The following TG variants were observed in gnomAD, a reference collection of about 807,000 sequenced individuals.
The protein encoded by TG is thyroid hormones.
TG carries 270 observed loss-of-function variants against 324.7 expected under a neutral mutation model. That is an observed-to-expected ratio of 0.83 (90% CI 0.75 to 0.92). TG has a LOEUF of 0.92. Among genes scored for constraint, TG ranks in the 40% least tolerant of loss-of-function variants. The pLI is 0.00. For missense variants in TG, 3,591 were observed against 3,456.4 expected (o/e 1.04, Z -0.98); for synonymous variants, 1,401 against 1,327.0 (o/e 1.06, Z -1.21).
intron 41 of TG, among the ~76,000 whole-genome samples, chr8:133,066,536 T>G (rs559985200): frequency 6.6e-6 from 1 of 152,354 alleles, no homozygotes; most frequent in East Asian, 1.9e-4. Flanking sequence ...TATAAATTTC[T>G]TATTTACTTA....
chr8:133,071,667 G>A (rs1255524142), intron 41 of TG, among the ~76,000 whole-genome samples: 4 of 152,006 alleles, frequency 2.6e-5, no homozygotes, highest in African/African-American at 4.8e-5. Flanking sequence ...GGGAGGAGGC[G>A]CACCTGCAAA....
chr8:132,984,499 G>C (rs1215487513), intron 35 of TG, among the ~76,000 whole-genome samples: 1 of 152,196 alleles, frequency 6.6e-6, no homozygotes, highest in Non-Finnish European at 1.5e-5. Context: ...TCAGATGGTG[G>C]AGTAGGGCTT....
intron 37 of TG, among the ~76,000 whole-genome samples, chr8:133,014,692 A>G (rs535438452): frequency 1.3e-5 from 2 of 152,320 alleles, no homozygotes; most frequent in East Asian, 3.9e-4. Context: ...GTCCTAGAGC[A>G]TTGACAGTCC....
intron 41 of TG, among the ~76,000 whole-genome samples, chr8:133,071,608 T>C (rs1179482053): frequency 6.6e-6 from 1 of 152,048 alleles, no homozygotes. Context: ...TTTGAGCTGA[T>C]TGTCCATGTG....
At chr8:132,937,502 G>A (rs746255313) in intron 25 of TG, among the ~76,000 whole-genome samples, 16 of 144,278 alleles carry the variant, frequency 1.1e-4, no homozygotes, top group East Asian at 1.9e-4. Context: ...AGGGTCACTC[G>A]GATCTCTCTA....
intron 8 of TG, among the ~76,000 whole-genome samples, chr8:132,884,538 G>T (rs180804965): frequency 6.6e-4 from 100 of 152,244 alleles, no homozygotes; most frequent in Admixed American, 1.4e-3. Context: ...TTAACCTTTT[G>T]AATATTCTTC....
intron 43 of TG, among the ~76,000 whole-genome samples, chr8:133,100,295 C>G (rs1271265676): frequency 6.6e-6 from 1 of 152,174 alleles, no homozygotes; most frequent in Non-Finnish European, 1.5e-5. Flanking sequence ...GAAGCCATAT[C>G]CCCAGCCTTC....
chr8:132,969,085 G>A (rs1032280629), intron 31 of TG, among the ~76,000 whole-genome samples: 1 of 146,424 alleles, frequency 6.8e-6, no homozygotes, highest in Non-Finnish European at 1.5e-5. Flanking sequence ...CTTCTGTTTG[G>A]GCCACCTTCA....
chr8:133,057,728 A>G (rs973713377), intron 41 of TG, among the ~76,000 whole-genome samples: 3 of 151,956 alleles, frequency 2.0e-5, no homozygotes, highest in African/African-American at 7.3e-5. Flanking sequence ...TGAGAAATTG[A>G]CTAATCAAGA....
intron 22 of TG, among the ~76,000 whole-genome samples, chr8:132,925,245 C>T (rs939669727): frequency 9.2e-5 from 14 of 152,166 alleles, no homozygotes; most frequent in Admixed American, 2.0e-4. Context: ...ATAGAATATA[C>T]CTAGAATTTG....
chr8:133,081,810 G>C (rs1306901581), intron 41 of TG, among the ~76,000 whole-genome samples: 1 of 152,192 alleles, frequency 6.6e-6, no homozygotes, highest in Non-Finnish European at 1.5e-5. Context: ...CCCAATTTCA[G>C]TTGTTTGCAA....
intron 34 of TG, among the ~76,000 whole-genome samples, chr8:132,982,237 G>A (rs766487961): frequency 3.9e-5 from 6 of 152,164 alleles, no homozygotes; most frequent in Non-Finnish European, 8.8e-5. Context: ...TTACACAGCA[G>A]AAAAGTGGCA....
At chr8:132,884,826 G>C (rs1033039513) in intron 8 of TG, among the ~76,000 whole-genome samples, 2 of 152,214 alleles carry the variant, frequency 1.3e-5, no homozygotes, top group African/African-American at 4.8e-5. Flanking sequence ...CATGGAAACA[G>C]TAATTGAATT....
chr8:132,877,468 T>C (rs535605581), intron 5 of TG, among the ~76,000 whole-genome samples: 1 of 152,200 alleles, frequency 6.6e-6, no homozygotes, highest in Non-Finnish European at 1.5e-5. Flanking sequence ...CCCTCCCTAG[T>C]GCAGGACAGA....
chr8:133,065,187 C>A (rs1842881360), intron 41 of TG, among the ~76,000 whole-genome samples: 1 of 152,176 alleles, frequency 6.6e-6, no homozygotes. Context: ...CACCCCCATC[C>A]CACAATTGGT....
At chr8:132,912,407 T>G (rs2132385851) in intron 19 of TG, among the ~76,000 whole-genome samples, 1 of 152,256 alleles carries the variant, frequency 6.6e-6, no homozygotes, top group East Asian at 1.9e-4. Context: ...ATGGGCTGGC[T>G]CTACAGTAGC....
At chr8:133,067,108 G>A (rs1406475949) in intron 41 of TG, among the ~76,000 whole-genome samples, 1 of 152,178 alleles carries the variant, frequency 6.6e-6, no homozygotes, top group South Asian at 2.1e-4. Context: ...AGCTGGCACA[G>A]GGGCTTAGCA....
At chr8:132,915,201 C>G (rs1289136901) in intron 20 of TG, among the ~76,000 whole-genome samples, 2 of 152,148 alleles carry the variant, frequency 1.3e-5, no homozygotes, top group Non-Finnish European at 2.9e-5. Flanking sequence ...GAAGCAGCCC[C>G]AGGAGGCTCC....
intron 18 of TG, among the ~76,000 whole-genome samples, chr8:132,910,741 AG>A (rs2132370270): frequency 6.6e-6 from 1 of 152,318 alleles, no homozygotes; most frequent in South Asian, 2.1e-4. Context: ...GTTGTTTATA[AG>A]ACACACAGTC....
Sources: gnomAD v4.1 joint callset for allele counts (sites outside exome capture counted in the v4.1 genomes callset) on GRCh38, gnomAD v4.1.1 for gene constraint, MANE v1.5 for transcripts, NCBI Gene and HGNC (gene_info 2026-07-23, HGNC 2026-07-21) for gene names.